The following NRXN3 variants were observed in gnomAD, a reference collection of about 807,000 sequenced individuals.
NRXN3 encodes neurexin III.
In NRXN3, 32 loss-of-function variants were observed where a neutral mutation model predicts 137.6. The observed-to-expected ratio is 0.23, with a 90% CI of 0.18 to 0.31. The LOEUF (loss-of-function observed/expected upper bound fraction) is 0.31, where lower values mean the gene tolerates loss of function less well. NRXN3 is among the 10% of genes least tolerant of loss of function. NRXN3 has a pLI of 1.00. For synonymous variants in NRXN3, 798 were observed against 784.5 expected, an observed-to-expected ratio of 1.02 and a Z score of -0.29; for missense variants, 1,574 against 2,062.5, an observed-to-expected ratio of 0.76 and a Z score of 4.59.
chr14:78,810,195 A>G, intron 9 of NRXN3, 123 bp from the exon 10 acceptor site: 1 of 639,876 alleles, frequency 1.6e-6, no homozygotes, highest in South Asian at 1.8e-5. Flanking sequence ...CTTTATATAT[A>G]TAAAATGGCC....
Position 79,270,418 on chromosome 14 carries a change from G to C in NRXN3, c.3263-196803G>C, listed in dbSNP as rs573418935. The stretch of plus-strand genomic sequence containing the variant: ...ATGGGCCTAAAACTGTGGACAATTG[G>C]AGATAAGGAATATTGTCGTTTTCAT... On this transcript the variant is annotated intron_variant, in intron 15 of 20. Coordinates refer to ENST00000335750, the MANE Select transcript of NRXN3 (RefSeq NM_001330195.2). 8.1e-4 allele frequency among the ~76,000 whole-genome samples: 123 copies of C among 152,294 alleles called. 1 individual carries two copies. The highest frequency in any genetic ancestry group is 2.6e-3 in the African/African-American group (110 of 41,556).
At chr14:79,317,257 G>A (rs762500084) in intron 15 of NRXN3, among the ~76,000 whole-genome samples, 11 of 152,056 alleles carry the variant, frequency 7.2e-5, no homozygotes, top group African/African-American at 2.2e-4. Context: ...AAGTGTTGGC[G>A]GGGCCAAGAT....
intron 10 of NRXN3, among the ~76,000 whole-genome samples, chr14:78,895,605 C>T (rs1188896723): frequency 6.6e-6 from 1 of 151,842 alleles, no homozygotes; most frequent in African/African-American, 2.4e-5. Context: ...AGAACTTTTC[C>T]TTTGCATTCA....
At chr14:79,397,231 C>T (rs951955981) in intron 15 of NRXN3, among the ~76,000 whole-genome samples, 1 of 152,140 alleles carries the variant, frequency 6.6e-6, no homozygotes, top group Non-Finnish European at 1.5e-5. Flanking sequence ...TTTCAAAACT[C>T]ATCCCTGCAT....
chr14:78,740,383 C>CT (rs11389704), intron 8 of NRXN3, among the ~76,000 whole-genome samples: 118,110 of 148,380 alleles, frequency 0.8, 48,126 homozygotes, highest in Admixed American at 0.9. Context: ...CCCTTGTCTC[C>CT]TTTTTTTTTT....
At chr14:79,448,860 C>T (rs1489996544) in intron 15 of NRXN3, among the ~76,000 whole-genome samples, 1 of 152,122 alleles carries the variant, frequency 6.6e-6, no homozygotes, top group Admixed American at 6.5e-5. Context: ...TCCAAGCCCT[C>T]TAGATTGTAG....
At chr14:79,204,649 G>A (rs756824330) in intron 15 of NRXN3, among the ~76,000 whole-genome samples, 2 of 152,162 alleles carry the variant, frequency 1.3e-5, no homozygotes, top group African/African-American at 2.4e-5. Flanking sequence ...ATTTGTGGGT[G>A]TATTTCTTGT....
At chr14:78,372,858 A>G (rs1357931831) in intron 4 of NRXN3, among the ~76,000 whole-genome samples, 3 of 152,238 alleles carry the variant, frequency 2.0e-5, no homozygotes, top group Non-Finnish European at 4.4e-5. Context: ...AAAATTAAGT[A>G]AAATAAGTAT....
intron 19 of NRXN3, among the ~76,000 whole-genome samples, chr14:79,741,270 C>A (rs1217258188): frequency 2.0e-5 from 3 of 152,064 alleles, no homozygotes. Flanking sequence ...CTTTGAATCA[C>A]AGAATTTGGT....
intron 6 of NRXN3, among the ~76,000 whole-genome samples, chr14:78,684,133 T>C (rs1431905954): frequency 6.6e-6 from 1 of 152,172 alleles, no homozygotes; most frequent in African/African-American, 2.4e-5. Context: ...TCTCTGACTG[T>C]ATTAACCATA....
intron 19 of NRXN3, among the ~76,000 whole-genome samples, chr14:79,717,447 G>A (rs1324105237): frequency 6.6e-6 from 1 of 152,156 alleles, no homozygotes; most frequent in Non-Finnish European, 1.5e-5. Context: ...TTCTTAAACT[G>A]CATTTGTAGT....
At position 79,609,921 on chromosome 14, in the gene NRXN3, G is replaced by C. The variant is rs544733328; in HGVS notation, c.3445-53857G>C. ...AATGAGAAAACATGGACACAGAGAGGGGAACATCACACACTGGGGCCTGTC... is the reference window on the plus strand; with the variant it reads ...AATGAGAAAACATGGACACAGAGAGCGGAACATCACACACTGGGGCCTGTC... On this transcript the variant is annotated intron_variant, in intron 16 of 20. Transcript: ENST00000335750. 3.6e-4 allele frequency among the ~76,000 whole-genome samples: 55 copies of C among 152,004 alleles called. No individual in the cohort carries two copies. In the South Asian group the frequency reaches 0.011, roughly 29 times the overall value.
At chr14:79,123,718 A>G (rs547259626) in intron 15 of NRXN3, among the ~76,000 whole-genome samples, 6 of 152,308 alleles carry the variant, frequency 3.9e-5, no homozygotes, top group East Asian at 1.9e-4. Flanking sequence ...ATTTAGCTCT[A>G]TCTTGGAGGC....
intron 2 of NRXN3, among the ~76,000 whole-genome samples, chr14:78,262,793 G>A (rs1302297287): frequency 6.6e-6 from 1 of 152,150 alleles, no homozygotes; most frequent in African/African-American, 2.4e-5. Context: ...CTGAGGCTGG[G>A]GAGTCAGCCT....
intron 4 of NRXN3, among the ~76,000 whole-genome samples, chr14:78,547,996 AAAAAC>A (rs1259177874): frequency 1.3e-5 from 2 of 152,234 alleles, no homozygotes; most frequent in Non-Finnish European, 2.9e-5. Context: ...ATTATTTACT[AAAAAC>A]AGCAACAGAT....
Position 78,453,959 on chromosome 14 carries a change from G to A in NRXN3, c.757+156099G>A, listed in dbSNP as rs890765947. On this transcript the variant is annotated intron_variant, in intron 4 of 20. Transcript: ENST00000335750. ...ACAGTCTTTTAGTCTCCAGAACTGC[G>A]AGACAATGAATTTCTGTTGTTTATA... Among the ~76,000 whole-genome samples the A allele has an allele frequency of 2.0e-5, 3 of 152,296 alleles. No individual in the cohort carries two copies. In the East Asian group the frequency reaches 5.8e-4, roughly 29 times the overall value.
In NRXN3 at chr14:79,697,967, C is replaced by T. The variant is rs780634765; in HGVS notation, c.4014+30C>T. 1.9e-6 allele frequency: 3 copies of T among 1,580,318 alleles called. No individual in the cohort carries two copies. In the Admixed American group the frequency reaches 5.1e-5, roughly 27 times the overall value. Reference sequence around the variant, plus strand: ...GCCTTTTTCCAAGTATTAATTGCGTCTGTATTTTTATCTTTGCAACATTGT... The same window carrying T: ...GCCTTTTTCCAAGTATTAATTGCGTTTGTATTTTTATCTTTGCAACATTGT... On this transcript the variant is annotated intron_variant, in intron 19 of 20. Coordinates refer to ENST00000335750, the MANE Select transcript of NRXN3 (RefSeq NM_001330195.2).
At chr14:78,730,401 T>G (rs1203552164) in intron 8 of NRXN3, among the ~76,000 whole-genome samples, 1 of 152,112 alleles carries the variant, frequency 6.6e-6, no homozygotes, top group East Asian at 1.9e-4. Flanking sequence ...TCCCCCCTAT[T>G]CTTCATTATT....
chr14:78,994,633 A>C (rs1050106312), intron 15 of NRXN3, among the ~76,000 whole-genome samples: 1 of 152,238 alleles, frequency 6.6e-6, no homozygotes, highest in Non-Finnish European at 1.5e-5. Flanking sequence ...ATGATAAAAG[A>C]AATCAAAGCA....
Sources: allele counts gnomAD v4.1 joint callset (sites outside exome capture counted in the v4.1 genomes callset), GRCh38; gene constraint gnomAD v4.1.1; transcripts MANE v1.5; gene names NCBI Gene and HGNC (gene_info 2026-07-23, HGNC 2026-07-21).